SIPA1L3: variants seen among roughly 807,000 people sequenced by gnomAD.
SIPA1L3 encodes the protein signal-induced proliferation-associated 1-like protein 3.
In SIPA1L3, 59 loss-of-function variants were observed where a neutral mutation model predicts 150.1. That is an observed-to-expected ratio of 0.39 (90% CI 0.32 to 0.49). The LOEUF (loss-of-function observed/expected upper bound fraction) is 0.49. Among genes scored for constraint, SIPA1L3 ranks in the 20% least tolerant of loss-of-function variants. SIPA1L3 has a pLI of 0.86. For missense variants in SIPA1L3, 2,211 were observed against 2,489.5 expected, an observed-to-expected ratio of 0.89 and a Z score of 2.38; for synonymous variants, 1,070 against 1,077.6, an observed-to-expected ratio of 0.99 and a Z score of 0.14.
intron 1 of SIPA1L3, among the ~76,000 whole-genome samples, chr19:37,965,317 G>GTTTTTTTTTTT (rs566071263): frequency 1.5e-5 from 2 of 133,698 alleles, no homozygotes; most frequent in African/African-American, 5.5e-5. Context: ...TATATTTCTA[G>GTTTTTTTTTTT]TTTTTTTTTT....
intron 1 of SIPA1L3, among the ~76,000 whole-genome samples, chr19:37,965,144 C>T (rs924591633): frequency 6.6e-6 from 1 of 152,080 alleles, no homozygotes; most frequent in African/African-American, 2.4e-5. Flanking sequence ...TTAATCTCAT[C>T]TGTTTTCTGG....
chr19:38,113,218 G>GAA lies in SIPA1L3; in HGVS notation c.2291+2846_2291+2847dup, dbSNP rs35895258. Among the ~76,000 whole-genome samples, 80 of 135,174 alleles carry GAA rather than the reference G, an allele frequency of 5.9e-4. No homozygotes were observed. The East Asian group carries it at 6.7e-3, about 11-fold the overall frequency. 88.7% of individuals were successfully genotyped at this position (135,174 alleles called of 152,430 possible). ...AGAGCGAGACTCCATCTCAATTAAAGAAAAAAAAAAAAAGACTGAACTCAG... is the reference window on the plus strand; with the variant it reads ...AGAGCGAGACTCCATCTCAATTAAAGAAAAAAAAAAAAAAAGACTGAACTCAG... On this transcript the variant is annotated intron_variant, in intron 8 of 21. Transcript: ENST00000222345.
chr19:38,010,674 G>A (rs1365563211), intron 1 of SIPA1L3, among the ~76,000 whole-genome samples: 1 of 152,126 alleles, frequency 6.6e-6, no homozygotes, highest in Non-Finnish European at 1.5e-5. Flanking sequence ...TCGCACCATT[G>A]CACTCCAGCC....
intron 15 of SIPA1L3, among the ~76,000 whole-genome samples, chr19:38,178,371 G>A (rs184052738): frequency 6.6e-6 from 1 of 151,818 alleles, no homozygotes; most frequent in Non-Finnish European, 1.5e-5. Flanking sequence ...CTGGGCTCCA[G>A]CAGTTCTCCC....
intron 1 of SIPA1L3, among the ~76,000 whole-genome samples, chr19:38,028,785 C>G (rs769856391): frequency 6.6e-6 from 1 of 151,814 alleles, no homozygotes; most frequent in Non-Finnish European, 1.5e-5. Context: ...CTCCACCTCC[C>G]GGGTTCAAGT....
intron 13 of SIPA1L3, among the ~76,000 whole-genome samples, chr19:38,154,119 A>G (rs1971890208): frequency 6.6e-6 from 1 of 152,168 alleles, no homozygotes; most frequent in African/African-American, 2.4e-5. Flanking sequence ...TTTGAATTTC[A>G]TAGAATACAG....
intron 1 of SIPA1L3, among the ~76,000 whole-genome samples, chr19:38,001,880 G>A (rs189176795): frequency 3.3e-5 from 5 of 152,158 alleles, no homozygotes; most frequent in African/African-American, 1.2e-4. Flanking sequence ...TGGTGATTTT[G>A]TCACAATGTA....
chr19:38,030,882 C>T (rs1021908495), intron 2 of SIPA1L3, among the ~76,000 whole-genome samples: 1 of 151,982 alleles, frequency 6.6e-6, no homozygotes, highest in South Asian at 2.1e-4. Context: ...ACCAAGAGAC[C>T]ATAACGGTGT....
intron 1 of SIPA1L3, among the ~76,000 whole-genome samples, chr19:38,007,799 C>T (rs1234520161): frequency 6.6e-6 from 1 of 152,036 alleles, no homozygotes; most frequent in East Asian, 1.9e-4. Flanking sequence ...TTATTGAGAT[C>T]TCTGAGACAC....
chr19:38,205,724 G>A lies in SIPA1L3; in HGVS notation c.5203-373G>A, dbSNP rs1044013111. 2.0e-5 allele frequency among the ~76,000 whole-genome samples: 3 copies of A among 152,180 alleles called. No homozygotes were observed. In the East Asian group the frequency reaches 5.8e-4, roughly 29 times the overall value. ...TCCCAGCTCCCCACTTGCTGTGTGA[G>A]GCTGGGGTCCTCTTCCAGGAAACTA... On this transcript the variant is annotated intron_variant, in intron 21 of 21. Transcript: ENST00000222345.
chr19:38,030,483 C>T (rs1024869805), intron 2 of SIPA1L3, among the ~76,000 whole-genome samples: 7 of 151,638 alleles, frequency 4.6e-5, no homozygotes, highest in Admixed American at 6.6e-5. Flanking sequence ...TCACCTGAAC[C>T]GGTGGAGGTC....
chr19:37,990,006 C>A (rs1199494281), intron 1 of SIPA1L3, among the ~76,000 whole-genome samples: 2 of 152,096 alleles, frequency 1.3e-5, no homozygotes, highest in South Asian at 4.1e-4. Context: ...TAGACCCCCC[C>A]ACCTGACCTT....
intron 1 of SIPA1L3, among the ~76,000 whole-genome samples, chr19:38,021,346 A>T (rs933474232): frequency 2.0e-5 from 3 of 152,182 alleles, no homozygotes; most frequent in Non-Finnish European, 2.9e-5. Flanking sequence ...CAACACCAGC[A>T]CTGCTCTGAC....
chr19:37,971,091 C>G (rs188015445), intron 1 of SIPA1L3, among the ~76,000 whole-genome samples: 3 of 151,892 alleles, frequency 2.0e-5, no homozygotes, highest in Admixed American at 6.6e-5. Context: ...AAAATTTGCC[C>G]TTTTTTAAAA....
At chr19:37,979,556 CAAA>C (rs56926575) in intron 1 of SIPA1L3, among the ~76,000 whole-genome samples, 16 of 120,024 alleles carry the variant, frequency 1.3e-4, no homozygotes, top group Admixed American at 2.6e-4. Context: ...GACTCTGTCT[CAAA>C]AAAAAAAAAA....
chr19:38,197,208 G>A (rs1051799854), intron 18 of SIPA1L3, among the ~76,000 whole-genome samples: 6 of 152,074 alleles, frequency 3.9e-5, no homozygotes, highest in African/African-American at 1.4e-4. Flanking sequence ...AATGCAGAGC[G>A]GGCTGGGCCC....
chr19:37,991,167 G>T (rs1179942701), intron 1 of SIPA1L3, among the ~76,000 whole-genome samples: 1 of 152,186 alleles, frequency 6.6e-6, no homozygotes, highest in Non-Finnish European at 1.5e-5. Flanking sequence ...GGGAGGCAGA[G>T]GTTGCTGTGA....
chr19:38,041,319 C>T (rs146557430), intron 2 of SIPA1L3, among the ~76,000 whole-genome samples: 3,476 of 136,894 alleles, frequency 0.025, 68 homozygotes, highest in Middle Eastern at 0.073. Flanking sequence ...CACTCTGTCA[C>T]CTAGGCTGGA....
In SIPA1L3 at chr19:38,186,480, T is replaced by TTTTTG. The variant is rs148671328; in HGVS notation, c.4430+3768_4430+3772dup. Among the ~76,000 whole-genome samples the TTTTTG allele has an allele frequency of 6.3e-3, 939 of 148,006 alleles. 11 individuals carry two copies. Among genetic ancestry groups the TTTTTG allele is most frequent in the African/African-American group, 0.018 (742 of 40,938 alleles). ...TGCGCATACCACCATGTCTGGCTAA[T>TTTTTG]TTTTGTTTTGTTTTGTTTTGTTTTG... On this transcript the variant is annotated intron_variant, in intron 16 of 21. Coordinates refer to ENST00000222345, the MANE Select transcript of SIPA1L3 (RefSeq NM_015073.3).
Sources: gnomAD v4.1 joint callset for allele counts (sites outside exome capture counted in the v4.1 genomes callset) on GRCh38, gnomAD v4.1.1 for gene constraint, MANE v1.5 for transcripts, NCBI Gene and HGNC (gene_info 2026-07-23, HGNC 2026-07-21) for gene names.